Variants in DPYD observed in about 807,000 individuals in gnomAD.
The protein encoded by DPYD is dihydropyrimidine dehydrogenase [NADP(+)].
A neutral mutation model predicts 116.2 loss-of-function variants in DPYD; 109 were observed. The ratio of observed to expected loss-of-function variants is 0.94; its 90% CI spans 0.80 to 1.10. DPYD has a LOEUF of 1.10. Ranked by LOEUF, DPYD falls within the 50% of genes least tolerant of loss-of-function variation. DPYD has a pLI of 0.00. For missense variants in DPYD, 1,302 were observed against 1,254.5 expected, an observed-to-expected ratio of 1.04 and a Z score of -0.57; for synonymous variants, 440 against 432.0, an observed-to-expected ratio of 1.02 and a Z score of -0.23.
chr1:97,727,846 G>T (rs1462211801), intron 4 of DPYD, among the ~76,000 whole-genome samples: 1 of 151,894 alleles, frequency 6.6e-6, no homozygotes, highest in African/African-American at 2.4e-5. Flanking sequence ...CAAGTGGGAA[G>T]ATTTCTTGAG....
At chr1:97,823,104 C>T (rs1669044331) in intron 3 of DPYD, among the ~76,000 whole-genome samples, 2 of 152,090 alleles carry the variant, frequency 1.3e-5, no homozygotes, top group South Asian at 4.1e-4. Flanking sequence ...AGGTAATTAG[C>T]ATATCTATTA....
intron 20 of DPYD, among the ~76,000 whole-genome samples, chr1:97,154,609 T>C (rs529989244): frequency 5.9e-5 from 9 of 151,574 alleles, no homozygotes; most frequent in Non-Finnish European, 1.3e-4. Flanking sequence ...CCAGGCATAG[T>C]AGCGCACTCC....
intron 14 of DPYD, among the ~76,000 whole-genome samples, chr1:97,400,774 T>A (rs921707122): frequency 1.3e-5 from 2 of 152,190 alleles, no homozygotes; most frequent in Non-Finnish European, 2.9e-5. Flanking sequence ...TAGTTTGTAT[T>A]TCTGTGGGAT....
rs191055498 is a variant in DPYD, at chr1:97,772,999, G to A, written c.234-32520C>T. Among the ~76,000 whole-genome samples the A allele has an allele frequency of 2.1e-3, 314 of 152,200 alleles. 1 individual carries two copies. The highest frequency in any genetic ancestry group is 6.5e-3 in the African/African-American group (270 of 41,530). On this transcript the variant is annotated intron_variant, in intron 3 of 22. Coordinates refer to ENST00000370192, the MANE Select transcript of DPYD (RefSeq NM_000110.4). ...GATTCACTTGGAGAGTAGAAAATCA[G>A]GAATCTAAATAATTAGCTAGCTAAG...
At chr1:97,495,403 A>T (rs1385446603) in intron 13 of DPYD, among the ~76,000 whole-genome samples, 3 of 152,154 alleles carry the variant, frequency 2.0e-5, no homozygotes, top group African/African-American at 7.2e-5. Context: ...TGAAAGTTAA[A>T]AGTCAAAATG....
chr1:97,159,162 T>C (rs1339737489), intron 20 of DPYD, among the ~76,000 whole-genome samples: 2 of 152,128 alleles, frequency 1.3e-5, no homozygotes, highest in Admixed American at 6.6e-5. Flanking sequence ...TTATTATAAC[T>C]GTGCTCAGAA....
chr1:97,274,020 G>A (rs1434468253), intron 18 of DPYD, among the ~76,000 whole-genome samples: 1 of 152,120 alleles, frequency 6.6e-6, no homozygotes, highest in Non-Finnish European at 1.5e-5. Context: ...ATCACAGCCT[G>A]TGAATTATTC....
At chr1:97,588,862 A>G (rs1654320022) in intron 10 of DPYD, among the ~76,000 whole-genome samples, 1 of 152,170 alleles carries the variant, frequency 6.6e-6, no homozygotes, top group Admixed American at 6.5e-5. Context: ...TATATCCTTT[A>G]GTATTAATGC....
chr1:97,094,843 A>G (rs1008559632), intron 21 of DPYD, among the ~76,000 whole-genome samples: 7 of 152,272 alleles, frequency 4.6e-5, no homozygotes, highest in Admixed American at 1.3e-4. Flanking sequence ...TGTTCTTTCA[A>G]TCCTTTTCTA....
chr1:97,323,199 T>C (rs907929900), intron 16 of DPYD, among the ~76,000 whole-genome samples: 6 of 149,396 alleles, frequency 4.0e-5, no homozygotes, highest in African/African-American at 1.2e-4. Context: ...TACACGTATA[T>C]ATATCCACAT....
chr1:97,368,549 C>A (rs1213334309), intron 16 of DPYD, among the ~76,000 whole-genome samples: 1 of 152,148 alleles, frequency 6.6e-6, no homozygotes, highest in Admixed American at 6.5e-5. Flanking sequence ...GAAGGCAAGG[C>A]CTCTTACCAC....
intron 12 of DPYD, among the ~76,000 whole-genome samples, chr1:97,539,430 C>T (rs775824387): frequency 1.3e-5 from 2 of 151,994 alleles, no homozygotes; most frequent in Non-Finnish European, 2.9e-5. Context: ...TGAATTTCTA[C>T]CTCTACCTGT....
At chr1:97,355,993 C>T (rs115506594) in intron 16 of DPYD, among the ~76,000 whole-genome samples, 2,107 of 152,152 alleles carry the variant, frequency 0.014, 25 homozygotes, top group South Asian at 0.023. Context: ...TTTGGTTTTT[C>T]GGGGAACTTT....
intron 5 of DPYD, among the ~76,000 whole-genome samples, chr1:97,716,404 T>C (rs919079249): frequency 6.6e-6 from 1 of 152,050 alleles, no homozygotes; most frequent in Non-Finnish European, 1.5e-5. Flanking sequence ...ACATTTTGTG[T>C]CAGTGAATGG....
intron 12 of DPYD, among the ~76,000 whole-genome samples, chr1:97,517,899 T>G (rs1390595097): frequency 3.3e-5 from 5 of 152,118 alleles, no homozygotes; most frequent in African/African-American, 1.2e-4. Context: ...TATGGCTGTG[T>G]GTTGAAATAT....
intron 16 of DPYD, among the ~76,000 whole-genome samples, chr1:97,343,686 C>T (rs2101251803): frequency 6.6e-6 from 1 of 152,074 alleles, no homozygotes; most frequent in African/African-American, 2.4e-5. Context: ...AGGTTTATGT[C>T]TTCCATGAGA....
At chr1:97,269,866 G>A (rs956823633) in intron 18 of DPYD, among the ~76,000 whole-genome samples, 1 of 152,132 alleles carries the variant, frequency 6.6e-6, no homozygotes, top group South Asian at 2.1e-4. Flanking sequence ...GAACTTTGGA[G>A]GGAGGGGCAC....
At chr1:97,269,913 A>G (rs1293720233) in intron 18 of DPYD, among the ~76,000 whole-genome samples, 1 of 152,290 alleles carries the variant, frequency 6.6e-6, no homozygotes, top group Middle Eastern at 3.4e-3. Flanking sequence ...TTCCAAGTAA[A>G]TTACTTCATC....
At chr1:97,475,425 CTT>C (rs1350928398) in intron 13 of DPYD, among the ~76,000 whole-genome samples, 2 of 151,882 alleles carry the variant, frequency 1.3e-5, no homozygotes, top group African/African-American at 4.8e-5. Context: ...AAATAAATGA[CTT>C]AATAAATAAG....
Sources: allele counts gnomAD v4.1 joint callset (sites outside exome capture counted in the v4.1 genomes callset), GRCh38; gene constraint gnomAD v4.1.1; transcripts MANE v1.5; gene names NCBI Gene and HGNC (gene_info 2026-07-23, HGNC 2026-07-21).